CCDC134: variants seen among roughly 807,000 people sequenced by gnomAD.
CCDC134 encodes the protein coiled-coil domain-containing protein 134.
A neutral mutation model predicts 25.6 loss-of-function variants in CCDC134; 27 were observed. That is an observed-to-expected ratio of 1.05 (90% CI 0.78 to 1.45). The LOEUF (loss-of-function observed/expected upper bound fraction) is 1.45, where lower values mean the gene tolerates loss of function less well. Ranked by LOEUF, CCDC134 falls within the 40% of genes most tolerant of loss-of-function variation. The pLI, the probability that CCDC134 is intolerant of heterozygous loss-of-function variation, is 0.00. For synonymous variants in CCDC134, 110 were observed against 115.0 expected (o/e 0.96, Z 0.28); for missense variants, 261 against 286.7 (o/e 0.91, Z 0.65).
chr22:41,804,939 G>A (rs2076561072), intron 1 of CCDC134, among the ~76,000 whole-genome samples: 1 of 152,164 alleles, frequency 6.6e-6, no homozygotes, highest in Non-Finnish European at 1.5e-5. Flanking sequence ...ACATGGTAGT[G>A]CTCGCCTGTG....
At chr22:41,818,925 C>T (rs780946448) in intron 6 of CCDC134, among the ~76,000 whole-genome samples, 25 of 152,274 alleles carry the variant, frequency 1.6e-4, no homozygotes, top group Admixed American at 6.5e-4. Context: ...GTCATAGATG[C>T]CTCACTTAAA....
chr22:41,821,945 G>A (rs1326835780), intron 6 of CCDC134, among the ~76,000 whole-genome samples: 1 of 152,190 alleles, frequency 6.6e-6, no homozygotes, highest in African/African-American at 2.4e-5. Flanking sequence ...AGTGAGGGGA[G>A]CACGGAGGCT....
chr22:41,810,936 G>A (rs1007683338), intron 4 of CCDC134, among the ~76,000 whole-genome samples: 3 of 152,136 alleles, frequency 2.0e-5, no homozygotes, highest in African/African-American at 7.2e-5. Flanking sequence ...TATGAAAGAG[G>A]ACAAGTGATT....
chr22:41,805,948 T>C (rs1210261636), intron 1 of CCDC134, among the ~76,000 whole-genome samples: 1 of 152,064 alleles, frequency 6.6e-6, no homozygotes, highest in African/African-American at 2.4e-5. Flanking sequence ...GAAAAGAAAA[T>C]TATCTTCATC....
intron 1 of CCDC134, among the ~76,000 whole-genome samples, chr22:41,807,702 G>A (rs1410524405): frequency 1.3e-5 from 2 of 152,168 alleles, no homozygotes; most frequent in Admixed American, 6.6e-5. Context: ...GAATCACCAG[G>A]AAAGTGAACT....
intron 4 of CCDC134, 140 bp downstream of exon 4, chr22:41,810,431 A>T: frequency 3.4e-5 from 16 of 477,504 alleles, no homozygotes; most frequent in East Asian, 5.0e-5. Context: ...CCTTGGGCAG[A>T]TGGGCGTTTC....
At position 41,826,730 on chromosome 22, in the gene CCDC134, C is replaced by T. The variant is rs2076681505; in HGVS notation, c.*907C>T. Among the ~76,000 whole-genome samples the T allele has an allele frequency of 6.6e-6, 1 of 152,190 alleles. No homozygotes were observed. The highest frequency in any genetic ancestry group is 2.4e-5 in the African/African-American group (1 of 41,446). On this transcript the variant is annotated 3_prime_UTR_variant, in exon 7 of 7. Coordinates refer to ENST00000255784, the MANE Select transcript of CCDC134 (RefSeq NM_024821.5). Reference sequence around the variant, plus strand: ...AAGCTGCATGGGTCAGACAGCTTCCCGTCTCGGGAGGCCACAGGGCAGGGA... The same window carrying T: ...AAGCTGCATGGGTCAGACAGCTTCCTGTCTCGGGAGGCCACAGGGCAGGGA...
rs2076696964 is a variant in CCDC134, at chr22:41,829,852, CA to C, written c.*4031del. Among the ~76,000 whole-genome samples the C allele has an allele frequency of 6.6e-6, 1 of 152,034 alleles. No individual in the cohort carries two copies. The highest frequency in any genetic ancestry group is 6.5e-5 in the Admixed American group (1 of 15,270). On this transcript the variant is annotated 3_prime_UTR_variant, in exon 7 of 7. Transcript: ENST00000255784. ...GCAGTGGTGCGATCTCGGCTCACTG[CA>C]ACCCCCGCCTCCCGGGTTCAAGTGA...
chr22:41,830,563 G>T lies in CCDC134; in HGVS notation c.*4740G>T, dbSNP rs2076700768. Among the ~76,000 whole-genome samples, 1 of 152,170 alleles carries T rather than the reference G, an allele frequency of 6.6e-6. No homozygotes were observed. Among genetic ancestry groups the T allele is most frequent in the South Asian group, 2.1e-4 (1 of 4,830 alleles). Reference sequence around the variant, plus strand: ...CTGCTCAGTGCTGTGTCCAGAGCAGGGTTTAGTTTTCTGTGTCTTTCAGGG... The same window carrying T: ...CTGCTCAGTGCTGTGTCCAGAGCAGTGTTTAGTTTTCTGTGTCTTTCAGGG... On this transcript the variant is annotated 3_prime_UTR_variant, in exon 7 of 7. Transcript: ENST00000255784.
At chr22:41,812,909 T>C (rs1267444049) in intron 4 of CCDC134, among the ~76,000 whole-genome samples, 1 of 152,144 alleles carries the variant, frequency 6.6e-6, no homozygotes, top group Non-Finnish European at 1.5e-5. Flanking sequence ...CTCACTTCTC[T>C]GGTCCCCACA....
At chr22:41,814,669 G>A (rs957610488) in intron 6 of CCDC134, among the ~76,000 whole-genome samples, 1 of 152,136 alleles carries the variant, frequency 6.6e-6, no homozygotes, top group African/African-American at 2.4e-5. Context: ...CTGGAGGACT[G>A]GACTTGTCAA....
At chr22:41,804,927 A>C (rs1426801347) in intron 1 of CCDC134, among the ~76,000 whole-genome samples, 1 of 152,178 alleles carries the variant, frequency 6.6e-6, no homozygotes, top group African/African-American at 2.4e-5. Flanking sequence ...AAAATTAGTC[A>C]GACATGGTAG....
Position 41,830,565 on chromosome 22 carries a change from T to G in CCDC134, c.*4742T>G, listed in dbSNP as rs765831560. Among the ~76,000 whole-genome samples the G allele has an allele frequency of 1.3e-5, 2 of 152,180 alleles. No individual in the cohort carries two copies. The highest frequency in any genetic ancestry group is 2.9e-5 in the Non-Finnish European group (2 of 68,020). ...GCTCAGTGCTGTGTCCAGAGCAGGGTTTAGTTTTCTGTGTCTTTCAGGGTG... is the reference window on the plus strand; with the variant it reads ...GCTCAGTGCTGTGTCCAGAGCAGGGGTTAGTTTTCTGTGTCTTTCAGGGTG... On this transcript the variant is annotated 3_prime_UTR_variant, in exon 7 of 7. Transcript: ENST00000255784.
At chr22:41,801,421 G>T (rs964373569) in intron 1 of CCDC134, among the ~76,000 whole-genome samples, 1 of 152,126 alleles carries the variant, frequency 6.6e-6, no homozygotes, top group Non-Finnish European at 1.5e-5. Flanking sequence ...ATCTCAGGTA[G>T]CCTGTGCTCA....
At chr22:41,804,913 T>C (rs2076560939) in intron 1 of CCDC134, among the ~76,000 whole-genome samples, 1 of 151,920 alleles carries the variant, frequency 6.6e-6, no homozygotes, top group Admixed American at 6.6e-5. Flanking sequence ...CTACTAAAAA[T>C]ACAAAAATTA....
At position 41,830,714 on chromosome 22, in the gene CCDC134, G is replaced by A. The variant is rs1320729623; in HGVS notation, c.*4891G>A. ...TAGTTATACACGTTCATTATAAAAC[G>A]TAATTTAAGCAATACTGAAATGCCA... On this transcript the variant is annotated 3_prime_UTR_variant, in exon 7 of 7. Transcript: ENST00000255784. 2.0e-5 allele frequency among the ~76,000 whole-genome samples: 3 copies of A among 152,030 alleles called. No individual in the cohort carries two copies. The highest frequency in any genetic ancestry group is 2.1e-4 in the South Asian group (1 of 4,830).
At chr22:41,824,993 G>A (rs1377414089) in intron 6 of CCDC134, among the ~76,000 whole-genome samples, 1 of 152,062 alleles carries the variant, frequency 6.6e-6, no homozygotes, top group Non-Finnish European at 1.5e-5. Flanking sequence ...AGGGAATGCC[G>A]GGTGCAGGTG....
chr22:41,803,160 T>G (rs2076552301), intron 1 of CCDC134, among the ~76,000 whole-genome samples: 1 of 149,842 alleles, frequency 6.7e-6, no homozygotes, highest in Non-Finnish European at 1.5e-5. Flanking sequence ...TGTGCGGGAG[T>G]CAGTTGGGTA....
chr22:41,807,172 C>T (rs746876071), intron 1 of CCDC134, among the ~76,000 whole-genome samples: 4 of 152,178 alleles, frequency 2.6e-5, no homozygotes, highest in Admixed American at 6.6e-5. Context: ...GCCCGAAGTA[C>T]AGAATCAAGT....
Sources: allele counts gnomAD v4.1 joint callset (sites outside exome capture counted in the v4.1 genomes callset), GRCh38; gene constraint gnomAD v4.1.1; transcripts MANE v1.5; gene names NCBI Gene and HGNC (gene_info 2026-07-23, HGNC 2026-07-21).